The following CLNK variants were observed in gnomAD, a reference collection of about 807,000 sequenced individuals.
The protein encoded by CLNK is cytokine dependent hematopoietic cell linker.
In CLNK, 74 loss-of-function variants were observed where a neutral mutation model predicts 68.6. The observed-to-expected ratio is 1.08, with a 90% CI of 0.89 to 1.31. CLNK has a LOEUF of 1.31. Among genes scored for constraint, CLNK ranks in the 50% most tolerant of loss-of-function variants. The pLI is 0.00. For synonymous variants in CLNK, 198 were observed against 172.2 expected (o/e 1.15, Z -1.17); for missense variants, 553 against 515.3 (o/e 1.07, Z -0.71).
At chr4:10,623,619 AT>A (rs1275325545) in intron 2 of CLNK, among the ~76,000 whole-genome samples, 4 of 152,252 alleles carry the variant, frequency 2.6e-5, no homozygotes, top group Non-Finnish European at 5.9e-5. Flanking sequence ...CCTGACAAAT[AT>A]TTAAATGAAT....
chr4:10,731,605 T>C, the CLNK span, among the ~76,000 whole-genome samples: 1 of 152,226 alleles, frequency 6.6e-6, no homozygotes, highest in East Asian at 1.9e-4. Context: ...TTTCCACTCA[T>C]GTTGAATGTT....
At chr4:10,495,330 T>A (rs1443760147) in intron 18 of CLNK, among the ~76,000 whole-genome samples, 1 of 152,098 alleles carries the variant, frequency 6.6e-6, no homozygotes, top group Non-Finnish European at 1.5e-5. Context: ...GCTCCGCAGG[T>A]TGTTTAAGGC....
At chr4:10,694,585 T>C in the CLNK span, among the ~76,000 whole-genome samples, 1 of 152,198 alleles carries the variant, frequency 6.6e-6, no homozygotes, top group Non-Finnish European at 1.5e-5. Context: ...CAATAAACTA[T>C]ACCATATAAT....
At chr4:10,494,433 G>T (rs1418116791) in intron 18 of CLNK, among the ~76,000 whole-genome samples, 4 of 151,674 alleles carry the variant, frequency 2.6e-5, no homozygotes, top group African/African-American at 4.8e-5. Flanking sequence ...AGCAAGACAG[G>T]TGCAACTAGT....
chr4:10,586,768 C>A (rs552571406), intron 3 of CLNK, among the ~76,000 whole-genome samples: 31 of 152,248 alleles, frequency 2.0e-4, no homozygotes, highest in Non-Finnish European at 4.4e-4. Flanking sequence ...GTGAAGTGCT[C>A]GTCTCACTGT....
At chr4:10,717,652 A>G in the CLNK span, among the ~76,000 whole-genome samples, 1 of 152,208 alleles carries the variant, frequency 6.6e-6, no homozygotes, top group African/African-American at 2.4e-5. Flanking sequence ...GGAGGTATCA[A>G]TGGAGCCAGG....
At chr4:10,722,750 T>C in the CLNK span, among the ~76,000 whole-genome samples, 1 of 151,708 alleles carries the variant, frequency 6.6e-6, no homozygotes, top group Non-Finnish European at 1.5e-5. Flanking sequence ...TTTTCTGGGG[T>C]TTCAATACTC....
rs867689899 is a variant in CLNK at position 10,490,115 on chromosome 4, A to G, written c.*352T>C. On this transcript the variant is annotated 3_prime_UTR_variant, in exon 19 of 19. Transcript: ENST00000226951. ...CACTGACTGCAAACATTTAAGCAAC[A>G]GCTTCTGGTGCCCTTTGCTGCTCGC... 2.0e-5 allele frequency: 4 copies of G among 199,070 alleles called. No individual in the cohort carries two copies. Among genetic ancestry groups the G allele is most frequent in the Admixed American group, 1.1e-4 (2 of 18,272 alleles). The allele number at this position is 199,070 out of a possible 1,614,324, so 12.3% of individuals were successfully genotyped here.
At chr4:10,611,174 T>C (rs1043808101) in intron 2 of CLNK, among the ~76,000 whole-genome samples, 6 of 152,170 alleles carry the variant, frequency 3.9e-5, no homozygotes, top group African/African-American at 1.4e-4. Context: ...AAAAATTAGC[T>C]GGGTGTGGTG....
At chr4:10,598,665 A>C (rs1577157061) in intron 2 of CLNK, 2 of 446,206 alleles carry the variant, frequency 4.5e-6, no homozygotes, top group East Asian at 1.5e-4. Flanking sequence ...TCATTGAGTT[A>C]ATTTGCTAAC....
chr4:10,713,612 C>T, the CLNK span, among the ~76,000 whole-genome samples: 32 of 152,138 alleles, frequency 2.1e-4, no homozygotes, highest in Non-Finnish European at 4.1e-4. Flanking sequence ...AAAATTCGAT[C>T]TCCAGTGCTG....
chr4:10,610,850 G>A (rs1016710414), intron 2 of CLNK, among the ~76,000 whole-genome samples: 1 of 151,054 alleles, frequency 6.6e-6, no homozygotes, highest in African/African-American at 2.4e-5. Flanking sequence ...AACTTGATTT[G>A]TACCTGGTAA....
the CLNK span, among the ~76,000 whole-genome samples, chr4:10,706,048 G>C: frequency 2.0e-4 from 30 of 152,340 alleles, no homozygotes; most frequent in Admixed American, 4.6e-4. Context: ...CAAATGTGTG[G>C]AGAAGAGGAA....
rs554928468 is a variant in CLNK, at chr4:10,679,396, C to A, written c.-43+5272G>T. 1.6e-3 allele frequency among the ~76,000 whole-genome samples: 249 copies of A among 152,262 alleles called. 1 individual carries two copies. Among genetic ancestry groups the A allele is most frequent in the African/African-American group, 5.7e-3 (237 of 41,532 alleles). ...TGGATGAAAGACTTACATGTTAGAC[C>A]TAAAACCATAAAAACCCTAGAAGAA... On this transcript the variant is annotated intron_variant, in intron 1 of 18. Coordinates refer to ENST00000226951, the MANE Select transcript of CLNK (RefSeq NM_052964.4).
At chr4:10,646,072 T>G (rs190123453) in intron 2 of CLNK, among the ~76,000 whole-genome samples, 1 of 151,614 alleles carries the variant, frequency 6.6e-6, no homozygotes, top group Non-Finnish European at 1.5e-5. Flanking sequence ...TGGAAAGAAA[T>G]AACACCAAAA....
intron 1 of CLNK, among the ~76,000 whole-genome samples, chr4:10,682,262 G>A (rs1040171843): frequency 3.3e-5 from 5 of 152,000 alleles, no homozygotes; most frequent in Admixed American, 1.3e-4. Context: ...TTAAATTCAG[G>A]TATTTATCTC....
chr4:10,577,910 G>T (rs1253171584), intron 4 of CLNK, among the ~76,000 whole-genome samples: 2 of 152,162 alleles, frequency 1.3e-5, no homozygotes, highest in African/African-American at 4.8e-5. Flanking sequence ...CTGATCAAAG[G>T]CACGAGGAAG....
At chr4:10,547,465 T>C (rs1719277815) in intron 8 of CLNK, among the ~76,000 whole-genome samples, 1 of 152,200 alleles carries the variant, frequency 6.6e-6, no homozygotes, top group African/African-American at 2.4e-5. Context: ...TTTGTTATTG[T>C]TACTTTATTT....
intron 2 of CLNK, among the ~76,000 whole-genome samples, chr4:10,616,790 G>GTATATATA (rs58333228): frequency 1.8e-3 from 117 of 64,332 alleles, no homozygotes; most frequent in East Asian, 8.9e-3. Context: ...GTGTGTGTGT[G>GTATATATA]TATATATATA....
Sources: gnomAD v4.1 joint callset for allele counts (sites outside exome capture counted in the v4.1 genomes callset) on GRCh38, gnomAD v4.1.1 for gene constraint, MANE v1.5 for transcripts, NCBI Gene and HGNC (gene_info 2026-07-23, HGNC 2026-07-21) for gene names.